The following ATOSA variants were observed in gnomAD, a reference collection of about 807,000 sequenced individuals.
The protein encoded by ATOSA is atos homolog protein A.
chr15:52,643,848 G>A, the ATOSA span, among the ~76,000 whole-genome samples: 3 of 151,768 alleles, frequency 2.0e-5, no homozygotes, highest in African/African-American at 7.3e-5. Flanking sequence ...GGGAGGCGGA[G>A]GTTGCAGTGA....
At chr15:52,581,923 G>C in the ATOSA span, 2 of 379,554 alleles carry the variant, frequency 5.3e-6, no homozygotes, top group African/African-American at 4.2e-5. Context: ...TTTTGCTATT[G>C]CAACATGTCC....
the ATOSA span, among the ~76,000 whole-genome samples, chr15:52,599,171 GCT>G: frequency 6.6e-6 from 1 of 152,166 alleles, no homozygotes; most frequent in Admixed American, 6.5e-5. Context: ...ATATCAGACT[GCT>G]CTCTTTTTCA....
At chr15:52,673,774 T>C in the ATOSA span, among the ~76,000 whole-genome samples, 1 of 152,264 alleles carries the variant, frequency 6.6e-6, no homozygotes, top group African/African-American at 2.4e-5. Context: ...GCTACATTTT[T>C]CTAGTCCTTA....
At chr15:52,605,114 TAAG>T in the ATOSA span, 1 of 1,544,062 alleles carries the variant, frequency 6.5e-7, no homozygotes, top group Admixed American at 1.8e-5. Context: ...AAGCATGAGA[TAAG>T]AAAAAAAATG....
the ATOSA span, among the ~76,000 whole-genome samples, chr15:52,644,052 T>C: frequency 6.6e-6 from 1 of 152,234 alleles, no homozygotes; most frequent in East Asian, 1.9e-4. Flanking sequence ...GTTAAGTTTA[T>C]TCAAAAATTA....
the ATOSA span, among the ~76,000 whole-genome samples, chr15:52,675,116 G>C: frequency 6.6e-6 from 1 of 152,034 alleles, no homozygotes; most frequent in Non-Finnish European, 1.5e-5. Flanking sequence ...CTCATCTTTG[G>C]CAGTGTTACC....
the ATOSA span, chr15:52,608,641 T>C: frequency 6.2e-6 from 10 of 1,610,530 alleles, no homozygotes; most frequent in Non-Finnish European, 8.5e-6. Context: ...AGAATAGTTT[T>C]GGGATTTTTC....
the ATOSA span, among the ~76,000 whole-genome samples, chr15:52,604,369 ATTG>A: frequency 6.6e-6 from 1 of 152,322 alleles, no homozygotes; most frequent in South Asian, 2.1e-4. Context: ...TTCTACATCT[ATTG>A]TTCAATAATT....
At chr15:52,610,373 C>T in the ATOSA span, 1 of 1,604,916 alleles carries the variant, frequency 6.2e-7, no homozygotes, top group African/African-American at 1.3e-5. Context: ...TCTACATCAG[C>T]AGCACTGATT....
the ATOSA span, among the ~76,000 whole-genome samples, chr15:52,638,520 C>G: frequency 6.6e-6 from 1 of 151,790 alleles, no homozygotes; most frequent in African/African-American, 2.4e-5. Context: ...AGAGTGAAAC[C>G]CTGTCTCGAC....
At chr15:52,620,635 C>T in the ATOSA span, among the ~76,000 whole-genome samples, 1 of 152,272 alleles carries the variant, frequency 6.6e-6, no homozygotes, top group East Asian at 1.9e-4. Context: ...TGGGGAATTG[C>T]TACTAAGAAA....
the ATOSA span, among the ~76,000 whole-genome samples, chr15:52,662,622 T>C: frequency 2.6e-5 from 4 of 151,274 alleles, no homozygotes; most frequent in Non-Finnish European, 4.4e-5. Flanking sequence ...TACAAAAAAT[T>C]AGCAGGGCAC....
At chr15:52,662,087 A>C in the ATOSA span, among the ~76,000 whole-genome samples, 7 of 152,354 alleles carry the variant, frequency 4.6e-5, no homozygotes, top group African/African-American at 1.7e-4. Context: ...AGATAGTGGC[A>C]AACCAAGACT....
the ATOSA span, among the ~76,000 whole-genome samples, chr15:52,633,062 T>C: frequency 3.0e-3 from 464 of 152,348 alleles, 11 homozygotes; most frequent in East Asian, 0.071. Context: ...ACTTCATTTC[T>C]TCATTTATGA....
At chr15:52,608,874 T>A in the ATOSA span, 11 of 1,609,226 alleles carry the variant, frequency 6.8e-6, no homozygotes, top group East Asian at 1.3e-4. Context: ...TTGAGTCATT[T>A]TTTTTGGAAT....
chr15:52,610,310 TG>T, the ATOSA span: 1 of 1,613,976 alleles, frequency 6.2e-7, no homozygotes, highest in Non-Finnish European at 8.5e-7. Context: ...TGAGAAACAT[TG>T]GGAACAGGAA....
chr15:52,597,165 GTTCTATTCTATTCTATTCTA>G, the ATOSA span, among the ~76,000 whole-genome samples: 1,097 of 24,738 alleles, frequency 0.044, 26 homozygotes, highest in Admixed American at 0.059. Context: ...GTTCTGTTCT[GTTCTATTCTATTCTATTCTA>G]TTCTATTCTA....
the ATOSA span, among the ~76,000 whole-genome samples, chr15:52,605,511 A>G: frequency 6.6e-6 from 1 of 152,166 alleles, no homozygotes; most frequent in Non-Finnish European, 1.5e-5. Flanking sequence ...CCCAAATCTG[A>G]AACATTCCGA....
the ATOSA span, among the ~76,000 whole-genome samples, chr15:52,636,944 T>C: frequency 6.6e-6 from 1 of 152,198 alleles, no homozygotes; most frequent in Non-Finnish European, 1.5e-5. Context: ...TGTGGTACTG[T>C]ATTCCACTAC....
Sources: gnomAD v4.1 joint callset for allele counts (sites outside exome capture counted in the v4.1 genomes callset) on GRCh38, gnomAD v4.1.1 for gene constraint, MANE v1.5 for transcripts, NCBI Gene and HGNC (gene_info 2026-07-23, HGNC 2026-07-21) for gene names.